CHN2: variants seen among roughly 807,000 people sequenced by gnomAD.
CHN2 encodes chimerin 2.
A neutral mutation model predicts 56.3 loss-of-function variants in CHN2; 35 were observed. The observed-to-expected ratio is 0.62, with a 90% CI of 0.47 to 0.82. The LOEUF is 0.82. Among genes scored for constraint, CHN2 ranks in the 40% least tolerant of loss-of-function variants. The pLI, the probability that CHN2 is intolerant of heterozygous loss-of-function variation, is 0.00. For missense variants in CHN2, 491 were observed against 580.5 expected, an observed-to-expected ratio of 0.85 and a Z score of 1.58; for synonymous variants, 210 against 212.8, an observed-to-expected ratio of 0.99 and a Z score of 0.12.
At chr7:29,416,013 G>A (rs186509561) in intron 6 of CHN2, among the ~76,000 whole-genome samples, 5 of 152,276 alleles carry the variant, frequency 3.3e-5, no homozygotes, top group African/African-American at 1.2e-4. Flanking sequence ...GGAGGAAGCA[G>A]GAAACCCATT....
At chr7:29,170,350 C>T (rs550986756) in intron 2 of CHN2, among the ~76,000 whole-genome samples, 1 of 152,196 alleles carries the variant, frequency 6.6e-6, no homozygotes, top group South Asian at 2.1e-4. Flanking sequence ...TGCTTTCCTT[C>T]ATGTCAGTGT....
chr7:29,237,734 C>A (rs543849532), intron 1 of CHN2, among the ~76,000 whole-genome samples: 92 of 152,222 alleles, frequency 6.0e-4, no homozygotes, highest in African/African-American at 2.2e-3. Context: ...CAGAGCCAGA[C>A]AAACAGAAGT....
At chr7:29,449,252 GGTGA>G (rs1409848543) in intron 6 of CHN2, among the ~76,000 whole-genome samples, 3 of 152,194 alleles carry the variant, frequency 2.0e-5, no homozygotes, top group African/African-American at 7.2e-5. Flanking sequence ...TTGGAATTAA[GGTGA>G]GTGTCTGAAA....
rs1026870587 is a variant in CHN2 at position 29,226,781 on chromosome 7, A to G, written c.49+31791A>G. ...TATGCCCCAAATAATTAACATAACG[A>G]AGATAATTTTATTGTAAGGTTTTTT... On this transcript the variant is annotated intron_variant, in intron 1 of 12. Transcript: ENST00000222792. Among the ~76,000 whole-genome samples the G allele has an allele frequency of 7.9e-5, 12 of 152,292 alleles. No homozygotes were observed. In the South Asian group the frequency reaches 8.3e-4, roughly 11 times the overall value.
intron 1 of CHN2, among the ~76,000 whole-genome samples, chr7:29,297,263 G>T (rs1793238895): frequency 6.6e-6 from 1 of 152,178 alleles, no homozygotes; most frequent in Admixed American, 6.5e-5. Context: ...ACTAAATTCT[G>T]TGGCCTCACC....
chr7:29,357,376 GA>G (rs1798390995), intron 2 of CHN2, among the ~76,000 whole-genome samples: 1 of 152,174 alleles, frequency 6.6e-6, no homozygotes. Context: ...CACCAGTGAG[GA>G]AGAACTCTCT....
At chr7:29,260,778 A>G (rs2128830878) in intron 1 of CHN2, among the ~76,000 whole-genome samples, 1 of 152,242 alleles carries the variant, frequency 6.6e-6, no homozygotes, top group Non-Finnish European at 1.5e-5. Flanking sequence ...TGGACACCGG[A>G]CCTGTTTTAT....
chr7:29,218,395 C>T (rs1020133656), intron 1 of CHN2, among the ~76,000 whole-genome samples: 6 of 152,174 alleles, frequency 3.9e-5, no homozygotes, highest in South Asian at 2.1e-4. Flanking sequence ...GTCAGTGTGG[C>T]GATTCCTCAG....
intron 1 of CHN2, among the ~76,000 whole-genome samples, chr7:29,206,430 T>C (rs1159197850): frequency 6.6e-6 from 1 of 152,048 alleles, no homozygotes; most frequent in Non-Finnish European, 1.5e-5. Flanking sequence ...TACAGGTGCG[T>C]GCCACCACAC....
Position 29,387,246 on chromosome 7 carries a change from G to A in CHN2, c.145-6433G>A, listed in dbSNP as rs10486613. On this transcript the variant is annotated intron_variant, in intron 3 of 12. Coordinates refer to ENST00000222792, the MANE Select transcript of CHN2 (RefSeq NM_004067.4). ...CACATGTGGGTATCTCATCTAATCT[G>A]TGAAACAGCCTTATTAAAATAGCTC... Among the ~76,000 whole-genome samples the A allele has an allele frequency of 2.4e-3, 372 of 152,160 alleles. 1 individual carries two copies. In the East Asian group the frequency reaches 0.027, roughly 11 times the overall value.
At chr7:29,254,139 G>A (rs751798946) in intron 1 of CHN2, among the ~76,000 whole-genome samples, 22 of 152,138 alleles carry the variant, frequency 1.4e-4, no homozygotes, top group Non-Finnish European at 2.5e-4. Context: ...TCCTGACCTC[G>A]TGATCCATCT....
chr7:29,295,501 G>A (rs574929322), intron 1 of CHN2, among the ~76,000 whole-genome samples: 2 of 151,608 alleles, frequency 1.3e-5, no homozygotes, highest in South Asian at 2.1e-4. Context: ...GGTGGCTCAC[G>A]CCTGTGATCT....
At chr7:29,366,715 G>A (rs1418089079) in intron 2 of CHN2, among the ~76,000 whole-genome samples, 1 of 152,128 alleles carries the variant, frequency 6.6e-6, no homozygotes, top group Non-Finnish European at 1.5e-5. Context: ...ATTAGTGTGG[G>A]TGACCTATAC....
At chr7:29,215,437 C>T (rs1785263877) in intron 1 of CHN2, among the ~76,000 whole-genome samples, 1 of 152,034 alleles carries the variant, frequency 6.6e-6, no homozygotes, top group East Asian at 1.9e-4. Context: ...CCCAGAGGTC[C>T]CAATTAAGGG....
intron 6 of CHN2, among the ~76,000 whole-genome samples, chr7:29,427,678 G>A (rs1350588887): frequency 5.5e-5 from 6 of 109,414 alleles, no homozygotes; most frequent in Admixed American, 4.8e-4. Flanking sequence ...TTTTTTTTGA[G>A]ATAGAGTCTC....
intron 7 of CHN2, among the ~76,000 whole-genome samples, chr7:29,485,486 T>A (rs979333062): frequency 6.6e-6 from 1 of 152,196 alleles, no homozygotes; most frequent in African/African-American, 2.4e-5. Flanking sequence ...GGCTCCCTAG[T>A]GCTGGAGATC....
At chr7:29,310,968 G>A (rs1425785008) in intron 1 of CHN2, among the ~76,000 whole-genome samples, 1 of 152,154 alleles carries the variant, frequency 6.6e-6, no homozygotes, top group African/African-American at 2.4e-5. Context: ...TTATTAAAAA[G>A]AAAACTATTG....
chr7:29,213,216 A>G, intron 1 of CHN2: 1 of 1,169,274 alleles, frequency 8.6e-7, no homozygotes, highest in Non-Finnish European at 1.3e-6. Flanking sequence ...AGATGTGTGA[A>G]GATGAGTGAA....
chr7:29,357,258 A>G (rs1798383826), intron 2 of CHN2, among the ~76,000 whole-genome samples: 2 of 152,222 alleles, frequency 1.3e-5, no homozygotes, highest in Admixed American at 1.3e-4. Flanking sequence ...TATCCAACTA[A>G]TAGTCCTCCA....
Sources: gnomAD v4.1 joint callset for allele counts (sites outside exome capture counted in the v4.1 genomes callset) on GRCh38, gnomAD v4.1.1 for gene constraint, MANE v1.5 for transcripts, NCBI Gene and HGNC (gene_info 2026-07-23, HGNC 2026-07-21) for gene names.